The following TFDP2 variants were observed in gnomAD, a reference collection of about 807,000 sequenced individuals.
TFDP2 encodes the protein transcription factor Dp-2.
In TFDP2, 17 loss-of-function variants were observed where a neutral mutation model predicts 59.3. That is an observed-to-expected ratio of 0.29 (90% CI 0.20 to 0.43). The LOEUF is 0.43. TFDP2 is among the 20% of genes least tolerant of loss of function. The pLI is 1.00. For missense variants in TFDP2, 391 were observed against 528.8 expected (o/e 0.74, Z 2.56); for synonymous variants, 180 against 194.7 (o/e 0.92, Z 0.63).
chr3:141,992,104 AAG>A (rs1342722168), intron 6 of TFDP2, among the ~76,000 whole-genome samples: 7 of 151,666 alleles, frequency 4.6e-5, no homozygotes, highest in Non-Finnish European at 7.4e-5. Context: ...GAAAGAAAGA[AAG>A]AAGAAAAAAA....
chr3:142,091,156 C>T (rs1476000709), intron 3 of TFDP2, among the ~76,000 whole-genome samples: 1 of 152,142 alleles, frequency 6.6e-6, no homozygotes, highest in Non-Finnish European at 1.5e-5. Context: ...GTAGCTTAAT[C>T]CTGACCTTAA....
chr3:142,098,380 C>A (rs1158638926), intron 2 of TFDP2, among the ~76,000 whole-genome samples: 3 of 150,738 alleles, frequency 2.0e-5, no homozygotes, highest in Non-Finnish European at 4.4e-5. Context: ...ATACTAGATA[C>A]TATTTGATAG....
intron 1 of TFDP2, among the ~76,000 whole-genome samples, chr3:142,111,555 A>AC (rs948323369): frequency 2.2e-4 from 34 of 152,138 alleles, no homozygotes; most frequent in Non-Finnish European, 4.4e-4. Context: ...AAGAAAAAAA[A>AC]ACACACAAAC....
chr3:142,008,040 G>A (rs113793391), intron 3 of TFDP2, among the ~76,000 whole-genome samples: 1 of 151,992 alleles, frequency 6.6e-6, no homozygotes, highest in East Asian at 1.9e-4. Context: ...CTTCATATCT[G>A]GTTTGAATAC....
intron 3 of TFDP2, among the ~76,000 whole-genome samples, chr3:142,011,994 C>CT (rs1265587306): frequency 1.3e-5 from 2 of 150,660 alleles, no homozygotes; most frequent in African/African-American, 4.9e-5. Flanking sequence ...TAATTCTACA[C>CT]TTTTTTTTCT....
chr3:142,098,971 G>A (rs2061244735), intron 2 of TFDP2, among the ~76,000 whole-genome samples: 2 of 152,126 alleles, frequency 1.3e-5, no homozygotes, highest in South Asian at 2.1e-4. Context: ...TCGATCATTT[G>A]CAACTATAAG....
At position 142,101,724 on chromosome 3, in the gene TFDP2, C is replaced by CA; in HGVS notation, c.15+10dup. ...AACAATACTTACATTAAAAAATTTACAAATACTTACATTTTTTGCCGTCAT... is the reference window on the plus strand; with the variant it reads ...AACAATACTTACATTAAAAAATTTACAAAATACTTACATTTTTTGCCGTCAT... On this transcript the variant is annotated intron_variant, in intron 2 of 12. Transcript: ENST00000489671. 1 of 1,352,814 alleles carries CA rather than the reference C, an allele frequency of 7.4e-7. No individual in the cohort carries two copies. Among genetic ancestry groups the CA allele is most frequent in the Non-Finnish European group, 9.8e-7 (1 of 1,017,250 alleles). 83.8% of individuals were successfully genotyped at this position (1,352,814 alleles called of 1,614,324 possible). A position where few individuals can be genotyped will look rare whatever the true frequency, so the allele number is the denominator to read the frequency against.
intron 1 of TFDP2, among the ~76,000 whole-genome samples, chr3:142,103,196 C>T (rs183329677): frequency 6.6e-6 from 1 of 151,820 alleles, no homozygotes; most frequent in African/African-American, 2.4e-5. Flanking sequence ...CGAGAACGCG[C>T]CATTGCACTC....
At chr3:142,123,236 G>A (rs576610767) in intron 1 of TFDP2, among the ~76,000 whole-genome samples, 1 of 152,332 alleles carries the variant, frequency 6.6e-6, no homozygotes, top group African/African-American at 2.4e-5. Flanking sequence ...CTGGGTTCAA[G>A]TGATTCTCCT....
chr3:142,073,914 T>C (rs753875879), intron 3 of TFDP2, among the ~76,000 whole-genome samples: 1 of 152,196 alleles, frequency 6.6e-6, no homozygotes, highest in Admixed American at 6.5e-5. Context: ...AAATGTTAAG[T>C]GTCTTTTTTC....
At chr3:142,064,486 T>G (rs542985606) in intron 3 of TFDP2, among the ~76,000 whole-genome samples, 1 of 152,040 alleles carries the variant, frequency 6.6e-6, no homozygotes, top group African/African-American at 2.4e-5. Context: ...AATCAGGGAG[T>G]AGAAAAAAGA....
At chr3:142,034,609 T>A (rs1946597466) in intron 3 of TFDP2, among the ~76,000 whole-genome samples, 1 of 152,226 alleles carries the variant, frequency 6.6e-6, no homozygotes, top group Non-Finnish European at 1.5e-5. Flanking sequence ...GAGCTCTGCC[T>A]TGATAAATCT....
At chr3:142,075,095 C>T (rs924624221) in intron 3 of TFDP2, among the ~76,000 whole-genome samples, 11 of 151,878 alleles carry the variant, frequency 7.2e-5, no homozygotes, top group Non-Finnish European at 1.6e-4. Flanking sequence ...AACTTAAGAG[C>T]TAAAACTATA....
At chr3:142,097,706 GAC>G (rs2061203831) in intron 2 of TFDP2, among the ~76,000 whole-genome samples, 1 of 151,986 alleles carries the variant, frequency 6.6e-6, no homozygotes, top group Admixed American at 6.6e-5. Flanking sequence ...AACTAAAATA[GAC>G]ACTTAAAATG....
intron 3 of TFDP2, among the ~76,000 whole-genome samples, chr3:142,067,654 G>T (rs2060115960): frequency 6.6e-6 from 1 of 152,092 alleles, no homozygotes. Flanking sequence ...AAAAGACTCA[G>T]AAGAGCCAAC....
At position 141,969,087 on chromosome 3, in the gene TFDP2, A is replaced by G. The variant is rs867464322; in HGVS notation, c.732+986T>C. On this transcript the variant is annotated intron_variant, in intron 9 of 12. Coordinates refer to ENST00000489671, the MANE Select transcript of TFDP2 (RefSeq NM_001178139.2). ...TCTCATATATATGAGATATATATATATAACATATATATATATCTCATATAT... is the reference window on the plus strand; with the variant it reads ...TCTCATATATATGAGATATATATATGTAACATATATATATATCTCATATAT... Among the ~76,000 whole-genome samples the G allele has an allele frequency of 1.0e-3, 63 of 62,500 alleles. 4 individuals are homozygous for G. Among genetic ancestry groups the G allele is most frequent in the African/African-American group, 5.0e-3 (59 of 11,768 alleles). The allele number at this position is 62,500 out of a possible 152,430, so 41.0% of individuals were successfully genotyped here. A position where few individuals can be genotyped will look rare whatever the true frequency, so the allele number is the denominator to read the frequency against.
intron 4 of TFDP2, among the ~76,000 whole-genome samples, 179 bp downstream of exon 4, chr3:142,005,262 C>T (rs1215909371): frequency 2.0e-5 from 3 of 152,224 alleles, no homozygotes; most frequent in African/African-American, 7.2e-5. Flanking sequence ...TGGTCTTGAA[C>T]TCCTGGGCTC....
intron 1 of TFDP2, among the ~76,000 whole-genome samples, chr3:142,128,130 CG>C (rs1461992480): frequency 6.6e-6 from 1 of 151,968 alleles, no homozygotes; most frequent in African/African-American, 2.4e-5. Context: ...GCTTAAGCCC[CG>C]GAACTTGAGG....
chr3:142,050,424 G>A (rs111553978), intron 3 of TFDP2, among the ~76,000 whole-genome samples: 8,637 of 152,034 alleles, frequency 0.057, 302 homozygotes, highest in Middle Eastern at 0.11. Flanking sequence ...GGCGGGACAC[G>A]GTGGCTCACG....
Sources: allele counts gnomAD v4.1 joint callset (sites outside exome capture counted in the v4.1 genomes callset), GRCh38; gene constraint gnomAD v4.1.1; transcripts MANE v1.5; gene names NCBI Gene and HGNC (gene_info 2026-07-23, HGNC 2026-07-21).